Variants in SLC25A26 observed in about 807,000 individuals in gnomAD.
SLC25A26 encodes solute carrier family 25 member 26, also known as mitochondrial S-adenosylmethionine carrier protein.
Under a neutral mutation model 37.8 loss-of-function variants are expected in SLC25A26, and 36 were observed. The observed-to-expected ratio is 0.95, with a 90% confidence interval of 0.73 to 1.26. The LOEUF (loss-of-function observed/expected upper bound fraction) is 1.26, where lower values mean the gene tolerates loss of function less well. Ranked by LOEUF, SLC25A26 falls within the 50% of genes most tolerant of loss-of-function variation. The pLI is 0.00. For missense variants in SLC25A26, 390 were observed against 331.1 expected, an observed-to-expected ratio of 1.18 and a Z score of -1.38; for synonymous variants, 129 against 122.5, an observed-to-expected ratio of 1.05 and a Z score of -0.35.
chr3:66,276,801 T>TC, intron 5 of SLC25A26, among the ~76,000 whole-genome samples: 1 of 151,762 alleles, frequency 6.6e-6, no homozygotes, highest in South Asian at 2.1e-4. Flanking sequence ...TTTTTTTTTT[T>TC]CCCTTTTTGA....
chr3:66,314,845 T>C, intron 5 of SLC25A26, among the ~76,000 whole-genome samples: 1 of 152,070 alleles, frequency 6.6e-6, no homozygotes, highest in South Asian at 2.1e-4. Flanking sequence ...TTTTGGTTCA[T>C]TCTTGGGAGG....
At chr3:66,305,923 C>T (rs896750952) in intron 5 of SLC25A26, among the ~76,000 whole-genome samples, 5 of 152,266 alleles carry the variant, frequency 3.3e-5, no homozygotes, top group Non-Finnish European at 2.9e-5. Flanking sequence ...TCACCAATAG[C>T]GTAAAAGCAT....
chr3:66,250,646 C>CAACTTGAAACGTTTTT (rs1250237873), intron 3 of SLC25A26, among the ~76,000 whole-genome samples: 6 of 152,030 alleles, frequency 3.9e-5, no homozygotes, highest in Non-Finnish European at 5.9e-5. Flanking sequence ...CATGCGTTTT[C>CAACTTGAAACGTTTTT]AACTTATGAT....
chr3:66,280,755 A>G (rs1267099337), intron 5 of SLC25A26, among the ~76,000 whole-genome samples: 1 of 152,158 alleles, frequency 6.6e-6, no homozygotes, highest in African/African-American at 2.4e-5. Context: ...AGGATTCACC[A>G]GTTAACATTT....
At chr3:66,302,206 A>AT (rs1375407333) in intron 5 of SLC25A26, among the ~76,000 whole-genome samples, 1 of 152,140 alleles carries the variant, frequency 6.6e-6, no homozygotes, top group Non-Finnish European at 1.5e-5. Context: ...GCACCTCTTC[A>AT]TTTGCTCTTA....
intron 5 of SLC25A26, among the ~76,000 whole-genome samples, chr3:66,301,029 G>T (rs2075062158): frequency 6.6e-6 from 1 of 151,974 alleles, no homozygotes; most frequent in Non-Finnish European, 1.5e-5. Flanking sequence ...TATAATATTG[G>T]ACCAGTGTTT....
chr3:66,171,352 C>A (rs185574099), intron 1 of SLC25A26, among the ~76,000 whole-genome samples: 31 of 152,280 alleles, frequency 2.0e-4, no homozygotes, highest in African/African-American at 7.2e-4. Flanking sequence ...ATGATGCTGG[C>A]TGCTCGTTCT....
At chr3:66,240,131 T>C (rs943446218) in intron 2 of SLC25A26, among the ~76,000 whole-genome samples, 2 of 152,190 alleles carry the variant, frequency 1.3e-5, no homozygotes, top group Non-Finnish European at 1.5e-5. Context: ...ATTGCGGCCA[T>C]GAACTGCTCC....
chr3:66,355,154 T>C (rs1391183219), intron 6 of SLC25A26, among the ~76,000 whole-genome samples: 2 of 152,160 alleles, frequency 1.3e-5, no homozygotes, highest in African/African-American at 4.8e-5. Flanking sequence ...TAAATATTAC[T>C]AAGCAAACCC....
chr3:66,200,906 C>A (rs2071100152), intron 1 of SLC25A26, among the ~76,000 whole-genome samples: 1 of 152,100 alleles, frequency 6.6e-6, no homozygotes, highest in Admixed American at 6.6e-5. Context: ...GGGAAATATC[C>A]CTAAGATTAC....
intron 5 of SLC25A26, chr3:66,324,177 A>AGTGTGTGTGTGTGTGTGTGTGTGT (rs58406249): frequency 1.5e-5 from 2 of 129,966 alleles, no homozygotes; most frequent in Non-Finnish European, 3.3e-5. Context: ...TTTGTTAAAA[A>AGTGTGTGTGTGTGTGTGTGTGTGT]GTGTGTGTGT....
chr3:66,140,545 A>C (rs2070018234), intron 1 of SLC25A26, among the ~76,000 whole-genome samples: 1 of 152,218 alleles, frequency 6.6e-6, no homozygotes, highest in South Asian at 2.1e-4. Context: ...GAATTCAACT[A>C]ACATACAGGA....
intron 5 of SLC25A26, among the ~76,000 whole-genome samples, chr3:66,339,412 TG>T (rs1267096097): frequency 2.0e-5 from 3 of 152,086 alleles, no homozygotes; most frequent in Non-Finnish European, 4.4e-5. Context: ...CTGGATTTTA[TG>T]GTAATTCTAC....
intron 3 of SLC25A26, among the ~76,000 whole-genome samples, chr3:66,255,564 C>G (rs2073267243): frequency 6.7e-6 from 1 of 149,970 alleles, no homozygotes; most frequent in Non-Finnish European, 1.5e-5. Context: ...ACATTTAAAA[C>G]ATTCTTGGAT....
intron 5 of SLC25A26, among the ~76,000 whole-genome samples, chr3:66,303,558 T>G (rs2075134122): frequency 6.6e-6 from 1 of 152,242 alleles, no homozygotes; most frequent in Non-Finnish European, 1.5e-5. Flanking sequence ...ATCACTTAAC[T>G]AGAATGTCCC....
chr3:66,162,329 C>T (rs542586157), intron 1 of SLC25A26, among the ~76,000 whole-genome samples: 4 of 136,334 alleles, frequency 2.9e-5, no homozygotes, highest in African/African-American at 1.1e-4. Flanking sequence ...AGGACTTCAA[C>T]ATGGATTTTT....
chr3:66,276,160 A>G (rs1015009490), intron 5 of SLC25A26, among the ~76,000 whole-genome samples: 1 of 152,152 alleles, frequency 6.6e-6, no homozygotes, highest in Non-Finnish European at 1.5e-5. Context: ...AAATTTGAAT[A>G]CTAATTATGA....
chr3:66,214,544 T>G (rs2071332887), intron 1 of SLC25A26, among the ~76,000 whole-genome samples: 1 of 152,224 alleles, frequency 6.6e-6, no homozygotes, highest in Non-Finnish European at 1.5e-5. Flanking sequence ...TTTGTTGGTG[T>G]TTTAATTTTC....
At chr3:66,143,603 G>A (rs905167170) in intron 1 of SLC25A26, among the ~76,000 whole-genome samples, 1 of 152,158 alleles carries the variant, frequency 6.6e-6, no homozygotes, top group Non-Finnish European at 1.5e-5. Context: ...AAAATTATTG[G>A]CTGGGAACAG....
Sources: allele counts gnomAD v4.1 joint callset (sites outside exome capture counted in the v4.1 genomes callset), GRCh38; gene constraint gnomAD v4.1.1; transcripts MANE v1.5; gene names NCBI Gene and HGNC (gene_info 2026-07-23, HGNC 2026-07-21).